The following SART3 variants were observed in gnomAD, a reference collection of about 807,000 sequenced individuals.
SART3 encodes spliceosome associated factor 3, U4/U6 recycling protein.
Under a neutral mutation model 122.3 loss-of-function variants are expected in SART3, and 44 were observed. The observed-to-expected ratio is 0.36, with a 90% confidence interval of 0.28 to 0.46. The LOEUF (loss-of-function observed/expected upper bound fraction) is 0.46, where lower values mean the gene tolerates loss of function less well. SART3 is among the 20% of genes least tolerant of loss of function. The probability of loss-of-function intolerance (pLI) is 1.00; values close to 1 mark genes in which losing one functional copy is unlikely to be tolerated. For missense variants in SART3, 1,101 were observed against 1,229.0 expected, an observed-to-expected ratio of 0.90 and a Z score of 1.56; for synonymous variants, 442 against 454.0, an observed-to-expected ratio of 0.97 and a Z score of 0.34.
At chr12:108,524,167 G>A in intron 18 of SART3, 149 bp downstream of exon 18, 1 of 785,142 alleles carries the variant, frequency 1.3e-6, no homozygotes, top group South Asian at 1.5e-5. Flanking sequence ...TTGCTCCAGT[G>A]GAACCACAGT....
chr12:108,531,943 AG>A, intron 13 of SART3: 2 of 407,012 alleles, frequency 4.9e-6, no homozygotes, highest in Non-Finnish European at 9.3e-6. Context: ...GCTAGAAGCC[AG>A]GGATGCCCCT....
Position 108,531,235 on chromosome 12 carries a change from C to A in SART3, c.1715G>T (p.Arg572Leu). 8.1e-6 allele frequency: 13 copies of A among 1,613,998 alleles called. No homozygotes were observed. Among genetic ancestry groups the A allele is most frequent in the Non-Finnish European group, 1.1e-5 (13 of 1,179,956 alleles). Residue 572 changes from arginine to leucine, a missense_variant, in exon 14 of 19, where the codon CGA becomes CTA. This residue lies in a region of SART3 where 885 missense variants were observed against 1,080.1 expected (regional missense o/e 0.82). Transcript: ENST00000546815. ...TCTCTGCTCATTGACACGAGCTAATCGGGTTTCAGTTTTCTGAACAGCTAT... is the reference window on the plus strand; with the variant it reads ...TCTCTGCTCATTGACACGAGCTAATAGGGTTTCAGTTTTCTGAACAGCTAT... ...WDIAVQKTETRLARVNEQRMK... is the reference protein window; with the variant it reads ...WDIAVQKTETLLARVNEQRMK...
At position 108,548,960 on chromosome 12, in the gene SART3, C is replaced by T. The variant is rs144665271; in HGVS notation, c.439+128G>A. The stretch of plus-strand genomic sequence containing the variant: ...AAACTAAAAATAGCTAACTCTGATG[C>T]GTTTTCTTCTTTCCACTACACTGAA... On this transcript the variant is annotated intron_variant, in intron 2 of 18. Coordinates refer to ENST00000546815, the MANE Select transcript of SART3 (RefSeq NM_014706.4). 7.0e-5 allele frequency: 97 copies of T among 1,382,258 alleles called. 1 individual carries two copies. The East Asian group carries it at 1.7e-3, about 24-fold the overall frequency. 85.6% of individuals were successfully genotyped at this position (1,382,258 alleles called of 1,614,324 possible). A position where few individuals can be genotyped will look rare whatever the true frequency, so the allele number is the denominator to read the frequency against.
rs750168486 is a variant in SART3, at chr12:108,549,092, A to T, written c.435T>A (p.Thr145=). The change falls in exon 2 of 19, where the codon ACT becomes ACA. Residue 145 remains threonine, a synonymous_variant. Transcript: ENST00000546815. The part of the protein sequence containing the change: ...RQKMSEIFPL[T]EELWLEWLHD... ...AGCCTGACTGCTGAAGCTTACCTTC[A>T]GTCAAGGGAAAGATTTCACTCATCT... 5 of 1,614,094 alleles carry T rather than the reference A, an allele frequency of 3.1e-6. No homozygotes were observed. In the South Asian group the frequency reaches 4.4e-5, roughly 14 times the overall value.
chr12:108,536,488 G>A, intron 11 of SART3, 26 bp downstream of exon 11: 1 of 1,610,338 alleles, frequency 6.2e-7, no homozygotes, highest in South Asian at 1.1e-5. Context: ...ATGGATGAAA[G>A]TGCTAGATGT....
intron 1 of SART3, among the ~76,000 whole-genome samples, chr12:108,549,630 C>G (rs1468636891): frequency 1.3e-5 from 2 of 152,154 alleles, no homozygotes; most frequent in African/African-American, 4.8e-5. Flanking sequence ...TTACACTGGT[C>G]TTTAAGAAAA....
At position 108,522,364 on chromosome 12, in the gene SART3, CATATACA is replaced by C. The variant is rs1353385406; in HGVS notation, c.*1086_*1092del. Among the ~76,000 whole-genome samples, 4 of 152,350 alleles carry C rather than the reference CATATACA, an allele frequency of 2.6e-5. No homozygotes were observed. The highest frequency in any genetic ancestry group is 2.1e-4 in the South Asian group (1 of 4,832). On this transcript the variant is annotated 3_prime_UTR_variant, in exon 19 of 19. Coordinates refer to ENST00000546815, the MANE Select transcript of SART3 (RefSeq NM_014706.4). ...ATAAATGAGGAGTTGATTCCCACGACATATACAAGGATTCCCTGACGTCTTTCTCCAG... is the reference window on the plus strand; with the variant it reads ...ATAAATGAGGAGTTGATTCCCACGACAGGATTCCCTGACGTCTTTCTCCAG...
At chr12:108,531,050 C>A (rs1431492613) in intron 14 of SART3, among the ~76,000 whole-genome samples, 154 bp downstream of exon 14, 1 of 152,122 alleles carries the variant, frequency 6.6e-6, no homozygotes, top group African/African-American at 2.4e-5. Flanking sequence ...AAAAATGACA[C>A]AAGACAGGTT....
intron 13 of SART3, chr12:108,531,993 A>G: frequency 1.9e-6 from 1 of 524,622 alleles, no homozygotes; most frequent in African/African-American, 1.9e-5. Context: ...ACAGAGAATT[A>G]GAACCCTGTG....
chr12:108,536,097 T>C (rs1229035720), intron 11 of SART3, among the ~76,000 whole-genome samples: 1 of 152,196 alleles, frequency 6.6e-6, no homozygotes, highest in Non-Finnish European at 1.5e-5. Flanking sequence ...CTCTAATTAC[T>C]TGTCAAATCA....
At chr12:108,553,938 T>C (rs2136694172) in intron 1 of SART3, 1 of 152,136 alleles carries the variant, frequency 6.6e-6, no homozygotes, top group South Asian at 2.1e-4. Context: ...TGGGCTCATC[T>C]CTCCAGCTAC....
chr12:108,530,355 A>G (rs1316144951), intron 14 of SART3, 45 bp from the exon 15 acceptor site: 11 of 1,600,970 alleles, frequency 6.9e-6, no homozygotes, highest in South Asian at 6.6e-5. Flanking sequence ...TGGCAATTAC[A>G]TTCACTGTAC....
At chr12:108,525,833 C>G (rs1309726345) in intron 16 of SART3, 8 of 629,320 alleles carry the variant, frequency 1.3e-5, no homozygotes, top group East Asian at 5.4e-5. Context: ...TAACCATTCA[C>G]AGAGTCTCAT....
intron 9 of SART3, 87 bp downstream of exon 9, chr12:108,537,401 C>T (rs889029652): frequency 1.0e-6 from 1 of 988,038 alleles, no homozygotes; most frequent in African/African-American, 1.6e-5. Flanking sequence ...TGCCCAATCA[C>T]AATGTATCTG....
At chr12:108,537,854 T>A (rs1593239885) in intron 8 of SART3, among the ~76,000 whole-genome samples, 2 of 152,158 alleles carry the variant, frequency 1.3e-5, no homozygotes, top group African/African-American at 4.8e-5. Context: ...CACTACAACT[T>A]CTTAGAAAAT....
intron 3 of SART3, among the ~76,000 whole-genome samples, chr12:108,545,736 C>T (rs990523398): frequency 1.3e-5 from 2 of 152,122 alleles, no homozygotes; most frequent in African/African-American, 4.8e-5. Flanking sequence ...GGGAGACTGA[C>T]GTGGGAGGAC....
At position 108,526,571 on chromosome 12, in the gene SART3, A is replaced by T; in HGVS notation, c.1916-18T>A. On this transcript the variant is annotated intron_variant, in intron 15 of 18. Transcript: ENST00000546815. ...AGGCTGCTCTACAGGTTTTCAAAAG[A>T]AAAGTAGCCATGGTTAACTGTTACT... 3.1e-6 allele frequency: 5 copies of T among 1,612,128 alleles called. No homozygotes were observed. The highest frequency in any genetic ancestry group is 3.4e-6 in the Non-Finnish European group (4 of 1,179,692).
intron 5 of SART3, 77 bp downstream of exon 5, chr12:108,544,350 G>T: frequency 8.0e-7 from 1 of 1,247,030 alleles, no homozygotes; most frequent in Non-Finnish European, 1.2e-6. Flanking sequence ...TGGTGGGAAA[G>T]GTCTAACTAC....
In SART3 at chr12:108,549,274, G is replaced by T. The variant is rs2029894530; in HGVS notation, c.313-60C>A. 8 of 1,570,254 alleles carry T rather than the reference G, an allele frequency of 5.1e-6. No individual in the cohort carries two copies. The Admixed American group carries it at 1.0e-4, about 20-fold the overall frequency. On this transcript the variant is annotated intron_variant, in intron 1 of 18. Transcript: ENST00000546815. ...ACCGTCATCAAGTAACTTAGCTTTTGTCACTACTGGTAACTACACATATAC... is the reference window on the plus strand; with the variant it reads ...ACCGTCATCAAGTAACTTAGCTTTTTTCACTACTGGTAACTACACATATAC...
Sources: gnomAD v4.1 joint callset for allele counts (sites outside exome capture counted in the v4.1 genomes callset) on GRCh38, gnomAD v4.1.1 for gene constraint, gnomAD v4.1.1 regional missense constraint, MANE v1.5 for transcripts, NCBI Gene and HGNC (gene_info 2026-07-23, HGNC 2026-07-21) for gene names.